ZBTB20: variants seen among roughly 807,000 people sequenced by gnomAD.
The protein encoded by ZBTB20 is zinc finger and BTB domain containing 20.
Under a neutral mutation model 56.9 loss-of-function variants are expected in ZBTB20, and 9 were observed. The observed-to-expected ratio is 0.16, with a 90% confidence interval of 0.10 to 0.28. The LOEUF (loss-of-function observed/expected upper bound fraction) is 0.28. Ranked by LOEUF, ZBTB20 falls within the 10% of genes least tolerant of loss-of-function variation. ZBTB20 has a pLI of 1.00. For missense variants in ZBTB20, 655 were observed against 1,003.0 expected (o/e 0.65, Z 4.69); for synonymous variants, 417 against 420.7 (o/e 0.99, Z 0.11).
chr3:114,649,454 T>C (rs2060012429), intron 6 of ZBTB20, among the ~76,000 whole-genome samples: 1 of 151,902 alleles, frequency 6.6e-6, no homozygotes, highest in Non-Finnish European at 1.5e-5. Context: ...AAGAAACCAC[T>C]AACAATGTTG....
intron 4 of ZBTB20, among the ~76,000 whole-genome samples, chr3:114,826,042 C>T (rs539466764): frequency 1.8e-4 from 27 of 151,800 alleles, no homozygotes; most frequent in African/African-American, 6.0e-4. Context: ...GAATTATTAA[C>T]TTTCCAACAA....
chr3:115,121,444 T>G (rs2084178835), intron 1 of ZBTB20, among the ~76,000 whole-genome samples: 1 of 151,902 alleles, frequency 6.6e-6, no homozygotes. Flanking sequence ...ATTTTCAATC[T>G]GTTATTCATT....
intron 7 of ZBTB20, among the ~76,000 whole-genome samples, chr3:114,480,593 T>A (rs184275511): frequency 3.6e-4 from 55 of 152,278 alleles, no homozygotes; most frequent in Admixed American, 1.8e-3. Flanking sequence ...GAGCAAAGGG[T>A]GGTCAGGTTT....
At chr3:114,986,725 C>T (rs540945275) in intron 2 of ZBTB20, among the ~76,000 whole-genome samples, 13 of 152,152 alleles carry the variant, frequency 8.5e-5, no homozygotes, top group African/African-American at 2.4e-4. Context: ...GTATTTTAAA[C>T]GCATTATATG....
intron 6 of ZBTB20, among the ~76,000 whole-genome samples, chr3:114,533,865 A>G (rs962385446): frequency 6.6e-5 from 10 of 152,240 alleles, no homozygotes; most frequent in African/African-American, 2.4e-4. Flanking sequence ...TTTTCAACCC[A>G]GAATTTCATA....
At chr3:114,548,578 G>A (rs1413766816) in intron 6 of ZBTB20, among the ~76,000 whole-genome samples, 3 of 149,938 alleles carry the variant, frequency 2.0e-5, no homozygotes, top group African/African-American at 7.4e-5. Flanking sequence ...GAATGCAGTC[G>A]CATGATCTCA....
intron 1 of ZBTB20, among the ~76,000 whole-genome samples, chr3:115,146,486 C>A (rs1260261945): frequency 6.6e-6 from 1 of 152,132 alleles, no homozygotes; most frequent in Non-Finnish European, 1.5e-5. Context: ...ATTTTTATAT[C>A]AGGAATCAAA....
chr3:114,805,683 G>C (rs1212077630), intron 4 of ZBTB20, among the ~76,000 whole-genome samples: 1 of 151,594 alleles, frequency 6.6e-6, no homozygotes, highest in Non-Finnish European at 1.5e-5. Flanking sequence ...AGTAAATTTA[G>C]AGTTGTATAA....
Position 114,326,708 on chromosome 3 carries a change from T to G in ZBTB20, c.*12297A>C, listed in dbSNP as rs2079076741. On this transcript the variant is annotated 3_prime_UTR_variant, in exon 12 of 12. Coordinates refer to ENST00000675478, the MANE Select transcript of ZBTB20 (RefSeq NM_001348800.3). ...ATTTCTAAAAAGTAATAATTATGCT[T>G]AAATCAAGGTTTATAGATAGCAAAC... The G allele has an allele frequency of 6.6e-6, 1 of 152,214 alleles. No homozygotes were observed. 9.4% of individuals were successfully genotyped at this position (152,214 alleles called of 1,614,324 possible).
At position 114,796,879 on chromosome 3, in the gene ZBTB20, G is replaced by C. The variant is rs116550373; in HGVS notation, c.-343+4222C>G. On this transcript the variant is annotated intron_variant, in intron 5 of 11. Coordinates refer to ENST00000675478, the MANE Select transcript of ZBTB20 (RefSeq NM_001348800.3). The stretch of plus-strand genomic sequence containing the variant: ...AAGTTCTGAAGACATATCAGGACTG[G>C]AGATATAAATTTCTGAGTTATCCAT... 7.3e-3 allele frequency among the ~76,000 whole-genome samples: 1,114 copies of C among 151,990 alleles called. 18 individuals carry two copies. Among genetic ancestry groups the C allele is most frequent in the African/African-American group, 0.025 (1,037 of 41,508 alleles).
chr3:114,628,148 C>T (rs998716484), intron 6 of ZBTB20, among the ~76,000 whole-genome samples: 52 of 152,156 alleles, frequency 3.4e-4, no homozygotes, highest in African/African-American at 1.2e-3. Context: ...AACTGCTCAA[C>T]AACTCCGCTC....
At chr3:114,363,706 T>TTGTGGC (rs2082111035) in intron 10 of ZBTB20, among the ~76,000 whole-genome samples, 2 of 152,184 alleles carry the variant, frequency 1.3e-5, no homozygotes, top group South Asian at 4.1e-4. Context: ...AGTATTCTAA[T>TTGTGGC]TGAGGCTGAG....
intron 10 of ZBTB20, among the ~76,000 whole-genome samples, chr3:114,369,418 T>C (rs1350766268): frequency 1.3e-5 from 2 of 152,250 alleles, no homozygotes; most frequent in Non-Finnish European, 2.9e-5. Flanking sequence ...CATTTGGCCT[T>C]GTGAAATTAT....
chr3:115,085,456 A>G (rs1230901562), intron 1 of ZBTB20, among the ~76,000 whole-genome samples: 1 of 151,942 alleles, frequency 6.6e-6, no homozygotes, highest in East Asian at 1.9e-4. Flanking sequence ...AACTCTCACT[A>G]AAGGAAAGGC....
intron 5 of ZBTB20, among the ~76,000 whole-genome samples, chr3:114,702,461 C>T (rs1026034373): frequency 1.3e-4 from 19 of 150,078 alleles, no homozygotes; most frequent in African/African-American, 4.7e-4. Flanking sequence ...TATACACATA[C>T]ACAGATGAAT....
chr3:114,599,589 G>T lies in ZBTB20; in HGVS notation c.-295+93939C>A, dbSNP rs139469515. Among the ~76,000 whole-genome samples, 3 of 152,178 alleles carry T rather than the reference G, an allele frequency of 2.0e-5. No individual in the cohort carries two copies. The East Asian group carries it at 5.8e-4, about 29-fold the overall frequency. Reference sequence around the variant, plus strand: ...CCTTTGTTGTTGCTGTTATTGAAAAGAAGATAATAATGACAATAATAATTT... The same window carrying T: ...CCTTTGTTGTTGCTGTTATTGAAAATAAGATAATAATGACAATAATAATTT... On this transcript the variant is annotated intron_variant, in intron 6 of 11. Transcript: ENST00000675478.
chr3:114,406,875 T>G (rs1258836090), intron 7 of ZBTB20, among the ~76,000 whole-genome samples: 1 of 152,218 alleles, frequency 6.6e-6, no homozygotes, highest in African/African-American at 2.4e-5. Flanking sequence ...CAGTAAAATA[T>G]ATTCTACACA....
chr3:114,557,266 G>A (rs1366623011), intron 6 of ZBTB20, among the ~76,000 whole-genome samples: 1 of 151,908 alleles, frequency 6.6e-6, no homozygotes, highest in Non-Finnish European at 1.5e-5. Flanking sequence ...TTTCCCCAGA[G>A]AAAAGACAGT....
At chr3:114,423,188 A>C (rs2089342259) in intron 7 of ZBTB20, among the ~76,000 whole-genome samples, 1 of 152,164 alleles carries the variant, frequency 6.6e-6, no homozygotes, top group Admixed American at 6.5e-5. Flanking sequence ...CTTCCATGGA[A>C]CACTCTTTAA....
Sources: gnomAD v4.1 joint callset for allele counts (sites outside exome capture counted in the v4.1 genomes callset) on GRCh38, gnomAD v4.1.1 for gene constraint, MANE v1.5 for transcripts, NCBI Gene and HGNC (gene_info 2026-07-23, HGNC 2026-07-21) for gene names.